Variants in PCDH15 observed in about 807,000 individuals in gnomAD.
PCDH15 encodes protocadherin related 15.
PCDH15 carries 129 observed loss-of-function variants against 178.5 expected under a neutral mutation model. That is an observed-to-expected ratio of 0.72 (90% CI 0.63 to 0.84). The LOEUF (loss-of-function observed/expected upper bound fraction) is 0.84. PCDH15 is among the 40% of genes least tolerant of loss of function. The pLI, the probability that PCDH15 is intolerant of heterozygous loss-of-function variation, is 0.00. For missense variants in PCDH15, 2,230 were observed against 2,099.9 expected, an observed-to-expected ratio of 1.06 and a Z score of -1.21; for synonymous variants, 800 against 732.0, an observed-to-expected ratio of 1.09 and a Z score of -1.50.
In PCDH15 at chr10:54,623,950, G is replaced by C. The variant is rs1279976095; in HGVS notation, c.91+40222C>G. Among the ~76,000 whole-genome samples, 6 of 152,012 alleles carry C rather than the reference G, an allele frequency of 3.9e-5. No homozygotes were observed. The South Asian group carries it at 1.2e-3, about 32-fold the overall frequency. ...TATACAAAATACTATATTTTAAAAT[G>C]AAATCATATGAAATTAATTTATCAA... is the stretch of plus-strand genomic sequence containing the variant. On this transcript the variant is annotated intron_variant, in intron 2 of 37. Transcript: ENST00000644397.
chr10:54,059,948 C>T (rs549467772), intron 18 of PCDH15, among the ~76,000 whole-genome samples: 1 of 152,238 alleles, frequency 6.6e-6, no homozygotes, highest in Admixed American at 6.5e-5. Context: ...TCAGTCTATC[C>T]AATATGCTTC....
intron 3 of PCDH15, among the ~76,000 whole-genome samples, chr10:54,852,221 G>A (rs1184511580): frequency 1.3e-5 from 2 of 150,244 alleles, no homozygotes; most frequent in African/African-American, 2.5e-5. Context: ...AGCATAATAT[G>A]TATATTGAGT....
intron 25 of PCDH15, among the ~76,000 whole-genome samples, chr10:53,928,031 A>G (rs1479126925): frequency 2.0e-5 from 3 of 152,068 alleles, no homozygotes; most frequent in African/African-American, 7.2e-5. Context: ...ATTTAGGTAT[A>G]GACATTCCTT....
intron 1 of PCDH15, among the ~76,000 whole-genome samples, chr10:55,218,305 T>C (rs1212269833): frequency 6.6e-6 from 1 of 151,866 alleles, no homozygotes; most frequent in Non-Finnish European, 1.5e-5. Context: ...ATCTATGGAG[T>C]ACATTGTATA....
Position 54,066,842 on chromosome 10 carries a change from T to A in PCDH15, c.2135A>T (p.Asp712Val). ...TVNIVVTDVN[D>V]NAPVFDPYLP... ...ATAAGGATCAAACACTGGAGCATTGTCATTGACATCTGTCACCACTATGTT... is the reference window on the plus strand; with the variant it reads ...ATAAGGATCAAACACTGGAGCATTGACATTGACATCTGTCACCACTATGTT... The change falls in exon 18 of 38, where the codon GAC becomes GTC. Residue 712 changes from aspartate to valine, a missense_variant. Physicochemically the swap from Asp to Val is radical, Grantham distance 152 (BLOSUM62 -3). Transcript: ENST00000644397. 2 of 1,613,500 alleles carry A rather than the reference T, an allele frequency of 1.2e-6. No homozygotes were observed. The highest frequency in any genetic ancestry group is 8.5e-7 in the Non-Finnish European group (1 of 1,179,614).
intron 3 of PCDH15, among the ~76,000 whole-genome samples, chr10:54,830,814 A>T (rs1953212796): frequency 6.6e-6 from 1 of 152,072 alleles, no homozygotes; most frequent in South Asian, 2.1e-4. Flanking sequence ...ACAGCAAGAC[A>T]TGCCATACAT....
intron 2 of PCDH15, among the ~76,000 whole-genome samples, chr10:55,471,501 T>C (rs1429287198): frequency 6.6e-6 from 1 of 152,186 alleles, no homozygotes; most frequent in Non-Finnish European, 1.5e-5. Flanking sequence ...ATTATATTAT[T>C]AACTGATTAA....
chr10:55,603,732 C>T (rs2132148746), intron 2 of PCDH15, among the ~76,000 whole-genome samples: 1 of 148,796 alleles, frequency 6.7e-6, no homozygotes, highest in Admixed American at 6.6e-5. Context: ...CCTAAAAGAG[C>T]TCCTGAAGGA....
At chr10:54,354,071 C>T (rs1944582349) in intron 5 of PCDH15, among the ~76,000 whole-genome samples, 2 of 152,134 alleles carry the variant, frequency 1.3e-5, no homozygotes, top group East Asian at 3.9e-4. Flanking sequence ...CCGCAACCTC[C>T]ACCTCCTGGG....
chr10:55,481,324 C>T (rs1406728270), intron 2 of PCDH15, among the ~76,000 whole-genome samples: 2 of 150,796 alleles, frequency 1.3e-5, no homozygotes, highest in Non-Finnish European at 3.0e-5. Context: ...TTTTAGTGTC[C>T]CTGTCTCCTT....
At chr10:53,984,280 G>A (rs1243922899) in intron 21 of PCDH15, among the ~76,000 whole-genome samples, 2 of 150,154 alleles carry the variant, frequency 1.3e-5, no homozygotes, top group African/African-American at 4.9e-5. Flanking sequence ...CTCCCAAGTA[G>A]CTGGGACTAC....
chr10:54,605,650 G>A (rs2092711516), intron 2 of PCDH15: 1 of 152,132 alleles, frequency 6.6e-6, no homozygotes, highest in African/African-American at 2.4e-5. Context: ...AACCATAAAT[G>A]TTGGGGCACT....
At chr10:54,922,037 A>G (rs1415089388) in intron 2 of PCDH15, among the ~76,000 whole-genome samples, 1 of 152,168 alleles carries the variant, frequency 6.6e-6, no homozygotes, top group South Asian at 2.1e-4. Flanking sequence ...CCATGATTCA[A>G]TTGCCTCCCA....
chr10:54,074,040 G>T (rs1209750076), intron 17 of PCDH15, among the ~76,000 whole-genome samples: 3 of 152,146 alleles, frequency 2.0e-5, no homozygotes, highest in African/African-American at 4.8e-5. Flanking sequence ...TTTATACTTT[G>T]TCTGGTATAG....
At chr10:53,868,037 G>A (rs184077831) in intron 26 of PCDH15, among the ~76,000 whole-genome samples, 1 of 151,518 alleles carries the variant, frequency 6.6e-6, no homozygotes, top group East Asian at 1.9e-4. Context: ...TCATATATTG[G>A]GCTGGCTTTA....
intron 8 of PCDH15, among the ~76,000 whole-genome samples, chr10:54,238,647 C>G (rs2054881202): frequency 7.1e-6 from 1 of 140,546 alleles, no homozygotes; most frequent in Admixed American, 7.4e-5. Context: ...CTGAACTTTT[C>G]CTCCCATGCT....
At chr10:54,317,505 T>C in intron 7 of PCDH15, 64 bp from the exon 8 acceptor site, 1 of 1,578,864 alleles carries the variant, frequency 6.3e-7, no homozygotes, top group Non-Finnish European at 8.7e-7. Flanking sequence ...CCAGGAGCAG[T>C]GGCCCATACC....
chr10:54,799,959 T>C (rs10509019), intron 1 of PCDH15, among the ~76,000 whole-genome samples: 14,841 of 152,132 alleles, frequency 0.098, 971 homozygotes, highest in East Asian at 0.22. Context: ...CTTTTACAGA[T>C]TATTTGTTTC....
At chr10:53,840,739 G>A (rs1041833205) in intron 28 of PCDH15, among the ~76,000 whole-genome samples, 5 of 152,028 alleles carry the variant, frequency 3.3e-5, no homozygotes, top group African/African-American at 9.7e-5. Flanking sequence ...TTAACTTTAG[G>A]CTTTTTGAAT....
Sources: gnomAD v4.1 joint callset for allele counts (sites outside exome capture counted in the v4.1 genomes callset) on GRCh38, gnomAD v4.1.1 for gene constraint, MANE v1.5 for transcripts, NCBI Gene and HGNC (gene_info 2026-07-23, HGNC 2026-07-21) for gene names.